PCSK5: variants seen among roughly 807,000 people sequenced by gnomAD.
The protein encoded by PCSK5 is prohormone convertase 5.
In PCSK5, 129 loss-of-function variants were observed where a neutral mutation model predicts 233.2. The observed-to-expected ratio is 0.55, with a 90% CI of 0.48 to 0.64. The LOEUF (loss-of-function observed/expected upper bound fraction) is 0.64. Ranked by LOEUF, PCSK5 falls within the 30% of genes least tolerant of loss-of-function variation. PCSK5 has a pLI of 0.00. For synonymous variants in PCSK5, 825 were observed against 879.2 expected (o/e 0.94, Z 1.09); for missense variants, 2,076 against 2,430.1 (o/e 0.85, Z 3.06).
intron 5 of PCSK5, among the ~76,000 whole-genome samples, chr9:76,065,453 T>C (rs191102301): frequency 6.8e-4 from 103 of 152,330 alleles, no homozygotes; most frequent in Non-Finnish European, 1.0e-3. Context: ...AGTCCAATTA[T>C]ATGTCTTCTT....
intron 5 of PCSK5, among the ~76,000 whole-genome samples, chr9:76,043,335 CAAAAAAAA>C (rs71372040): frequency 0.016 from 1,020 of 64,020 alleles, 14 homozygotes; most frequent in African/African-American, 0.057. Flanking sequence ...GACTCCATCT[CAAAAAAAA>C]AAAAAAAAAA....
intron 5 of PCSK5, among the ~76,000 whole-genome samples, chr9:76,037,908 A>G (rs1430248016): frequency 1.3e-5 from 2 of 152,176 alleles, no homozygotes; most frequent in Admixed American, 1.3e-4. Context: ...CGAAGCTGCC[A>G]TCTCATGAAT....
intron 24 of PCSK5, 45 bp downstream of exon 24, chr9:76,240,729 T>C: frequency 7.4e-7 from 1 of 1,346,496 alleles, no homozygotes; most frequent in Non-Finnish European, 1.0e-6. Flanking sequence ...AATAGCTAAG[T>C]CCTTTTCCAC....
chr9:76,109,730 C>CTT (rs1564031666), intron 9 of PCSK5, among the ~76,000 whole-genome samples: 18 of 152,178 alleles, frequency 1.2e-4, no homozygotes, highest in Non-Finnish European at 2.6e-4. Flanking sequence ...GGATGATGAA[C>CTT]TATCTGATAA....
At chr9:76,283,885 G>C (rs537014813) in intron 24 of PCSK5, among the ~76,000 whole-genome samples, 2 of 152,270 alleles carry the variant, frequency 1.3e-5, no homozygotes, top group African/African-American at 2.4e-5. Context: ...AAGTTAATTA[G>C]AATCAAATAG....
intron 2 of PCSK5, among the ~76,000 whole-genome samples, chr9:75,932,727 A>G (rs1179850363): frequency 6.6e-6 from 1 of 152,166 alleles, no homozygotes; most frequent in Non-Finnish European, 1.5e-5. Context: ...ATGGGTTCTC[A>G]TGGAGAGGTG....
chr9:76,349,234 A>G (rs1830055494), intron 35 of PCSK5, among the ~76,000 whole-genome samples: 1 of 144,990 alleles, frequency 6.9e-6, no homozygotes, highest in Non-Finnish European at 1.5e-5. Flanking sequence ...AGATCGCGCC[A>G]TTGCACTCCA....
intron 2 of PCSK5, among the ~76,000 whole-genome samples, chr9:75,953,160 G>C (rs1055478771): frequency 6.6e-6 from 1 of 151,978 alleles, no homozygotes; most frequent in South Asian, 2.1e-4. Context: ...TTTCTCAAAT[G>C]GACTTGGGAG....
intron 10 of PCSK5, among the ~76,000 whole-genome samples, chr9:76,147,731 T>C (rs1173628892): frequency 1.3e-5 from 2 of 152,178 alleles, no homozygotes; most frequent in Non-Finnish European, 2.9e-5. Context: ...AAGAATAAAG[T>C]GCCATCCCTG....
At chr9:76,211,558 G>T (rs1209216139) in intron 20 of PCSK5, among the ~76,000 whole-genome samples, 1 of 152,168 alleles carries the variant, frequency 6.6e-6, no homozygotes, top group Middle Eastern at 3.2e-3. Flanking sequence ...GACCTCAAAA[G>T]ATCTTAAGTC....
chr9:76,143,884 T>A (rs1587682334), intron 10 of PCSK5, among the ~76,000 whole-genome samples: 1 of 152,262 alleles, frequency 6.6e-6, no homozygotes, highest in East Asian at 1.9e-4. Context: ...TTGACCAAAG[T>A]CTTTTCGTTG....
intron 10 of PCSK5, among the ~76,000 whole-genome samples, chr9:76,147,511 A>G (rs1823488229): frequency 2.0e-5 from 3 of 152,198 alleles, no homozygotes; most frequent in African/African-American, 7.2e-5. Flanking sequence ...CCGGACCAAC[A>G]ATATACCAGC....
intron 5 of PCSK5, among the ~76,000 whole-genome samples, chr9:76,029,023 A>G (rs1287812816): frequency 1.3e-5 from 2 of 152,124 alleles, no homozygotes; most frequent in Admixed American, 6.5e-5. Flanking sequence ...AGTGCGGCCT[A>G]TGAAGATGGG....
intron 2 of PCSK5, among the ~76,000 whole-genome samples, chr9:75,948,039 G>A (rs1195921800): frequency 1.3e-5 from 2 of 151,896 alleles, no homozygotes; most frequent in Non-Finnish European, 2.9e-5. Context: ...TACAGACAGG[G>A]TCTCACTAGG....
At chr9:75,970,850 CT>C (rs1825788850) in intron 2 of PCSK5, among the ~76,000 whole-genome samples, 2 of 152,188 alleles carry the variant, frequency 1.3e-5, no homozygotes, top group Non-Finnish European at 2.9e-5. Context: ...TCTTGAACTC[CT>C]GAGCTCATGC....
intron 35 of PCSK5, among the ~76,000 whole-genome samples, chr9:76,347,482 T>G (rs1830008804): frequency 6.6e-6 from 1 of 152,148 alleles, no homozygotes; most frequent in African/African-American, 2.4e-5. Flanking sequence ...TGCAATTAAT[T>G]GGTGTAGGAG....
At chr9:76,270,138 T>C (rs1827465956) in intron 24 of PCSK5, among the ~76,000 whole-genome samples, 1 of 152,236 alleles carries the variant, frequency 6.6e-6, no homozygotes, top group Non-Finnish European at 1.5e-5. Flanking sequence ...TTTGTTTACA[T>C]GAACCAGCAA....
chr9:76,063,245 C>A (rs896859674), intron 5 of PCSK5, among the ~76,000 whole-genome samples: 2 of 151,310 alleles, frequency 1.3e-5, no homozygotes, highest in Non-Finnish European at 2.9e-5. Flanking sequence ...AGTGATTCTC[C>A]CACCTTAGCC....
intron 22 of PCSK5, 30 bp from the exon 23 acceptor site, chr9:76,238,929 C>T (rs1319144580): frequency 5.3e-6 from 8 of 1,497,116 alleles, no homozygotes; most frequent in Non-Finnish European, 7.4e-6. Flanking sequence ...GTACATTTTC[C>T]CTCTTTTCGT....
Sources: allele counts gnomAD v4.1 joint callset (sites outside exome capture counted in the v4.1 genomes callset), GRCh38; gene constraint gnomAD v4.1.1; transcripts MANE v1.5; gene names NCBI Gene and HGNC (gene_info 2026-07-23, HGNC 2026-07-21).